The following BAHCC1 variants were observed in gnomAD, a reference collection of about 807,000 sequenced individuals.
BAHCC1 encodes BAH domain and coiled-coil containing 1, also known as BAH and coiled-coil domain-containing protein 1.
Under a neutral mutation model 88.2 loss-of-function variants are expected in BAHCC1, and 43 were observed. The observed-to-expected ratio is 0.49, with a 90% CI of 0.38 to 0.63. The LOEUF is 0.63. Among genes scored for constraint, BAHCC1 ranks in the 20% least tolerant of loss-of-function variants. The pLI is 0.00. For missense variants in BAHCC1, 3,023 were observed against 1,654.8 expected, an observed-to-expected ratio of 1.83 and a Z score of -14.34; for synonymous variants, 1,510 against 745.5, an observed-to-expected ratio of 2.03 and a Z score of -16.71.
At position 81,459,528 on chromosome 17, in the gene BAHCC1, C is replaced by T; in HGVS notation, c.5829C>T (p.Tyr1943=). The T allele has an allele frequency of 1.3e-6, 1 of 779,640 alleles. No homozygotes were observed. The highest frequency in any genetic ancestry group is 2.4e-6 in the Non-Finnish European group (1 of 417,878). The allele number at this position is 779,640 out of a possible 1,614,324, so 48.3% of individuals were successfully genotyped here. ...ATGTGCGGCCACAGTCCAGCCGGTACCTCCCGCCCGGCACGCGGGTCTGCG... is the reference window on the plus strand; with the variant it reads ...ATGTGCGGCCACAGTCCAGCCGGTATCTCCCGCCCGGCACGCGGGTCTGCG... ...VLDVRPQSSR[Y]LPPGTRVCAY... The change falls in exon 23 of 28, where the codon TAC becomes TAT. Residue 1943 remains tyrosine (Y), a synonymous_variant. Transcript: ENST00000675386.
chr17:81,443,390 C>T lies in BAHCC1; in HGVS notation c.2041C>T (p.Pro681Ser), dbSNP rs1555653290. The T allele has an allele frequency of 2.6e-6, 2 of 773,552 alleles. No individual in the cohort carries two copies. Among genetic ancestry groups the T allele is most frequent in the Admixed American group, 1.7e-5 (1 of 58,230 alleles). 47.9% of individuals were successfully genotyped at this position (773,552 alleles called of 1,614,324 possible). A position where few individuals can be genotyped will look rare whatever the true frequency, so the allele number is the denominator to read the frequency against. Residue 681 changes from proline to serine, a missense_variant, in exon 5 of 28, where the codon CCG (proline) becomes TCG (serine). Transcript: ENST00000675386. ...TAAGGGCCCAGGCCAGTCGGAGAGG[C>T]CGGACTGTGCCCGCAGCAGGGAGCA... is the stretch of plus-strand genomic sequence containing the variant. ...SSKGPGQSER[P>S]DCARSREHDT... is the part of the protein sequence containing the mutation.
chr17:81,452,611 C>T (rs1333697727), intron 13 of BAHCC1, 112 bp from the exon 14 acceptor site: 5 of 556,444 alleles, frequency 9.0e-6, no homozygotes, highest in African/African-American at 2.0e-5. Context: ...CGAGTCTGGG[C>T]CGCATCTTTC....
At chr17:81,405,161 T>C (rs1350055985) in intron 2 of BAHCC1, among the ~76,000 whole-genome samples, 1 of 152,150 alleles carries the variant, frequency 6.6e-6, no homozygotes, top group Non-Finnish European at 1.5e-5. Flanking sequence ...TCTGCCTCCC[T>C]GGTTCAAGCC....
In BAHCC1 at chr17:81,399,497, C is replaced by T; in HGVS notation, c.-206-37C>T. ...GGGACCCCCGGGCGAGCCGAGCCCC[C>T]CAGTCACCCGTGTCTCCTCTGCTTT... On this transcript the variant is annotated intron_variant, in intron 1 of 27. Coordinates refer to ENST00000675386, the MANE Select transcript of BAHCC1 (RefSeq NM_001377448.1). The surrounding 1 kb of genome is among the most constrained non-coding windows in gnomAD (Gnocchi z 4.5). 7.3e-6 allele frequency: 2 copies of T among 273,228 alleles called. 1 individual carries two copies. Among genetic ancestry groups the T allele is most frequent in the Non-Finnish European group, 1.5e-5 (2 of 129,972 alleles). 16.9% of individuals were successfully genotyped at this position (273,228 alleles called of 1,614,324 possible). A position where few individuals can be genotyped will look rare whatever the true frequency, so the allele number is the denominator to read the frequency against.
Position 81,445,535 on chromosome 17 carries a change from C to G in BAHCC1, c.3017C>G (p.Pro1006Arg), listed in dbSNP as rs781795715. Residue 1006 changes from proline to arginine, a missense_variant, in exon 10 of 28, where the codon CCC (proline) becomes CGC (arginine). By Grantham distance (103) the Pro-to-Arg change is moderately radical (BLOSUM62 -2). Coordinates refer to ENST00000675386, the MANE Select transcript of BAHCC1 (RefSeq NM_001377448.1). ...PPDPKPPASS[P>R]TPPPRPSAPC... is the part of the protein sequence containing the mutation. ...GACCCAAAGCCCCCCGCCAGCTCCC[C>G]CACCCCACCACCTCGGCCCAGCGCC... is the stretch of plus-strand genomic sequence containing the variant. 2.9e-5 allele frequency: 21 copies of G among 726,798 alleles called. No individual in the cohort carries two copies. The highest frequency in any genetic ancestry group is 4.6e-5 in the Non-Finnish European group (18 of 392,178). 45.0% of individuals were successfully genotyped at this position (726,798 alleles called of 1,614,324 possible). A position where few individuals can be genotyped will look rare whatever the true frequency, so the allele number is the denominator to read the frequency against.
chr17:81,410,509 C>T (rs782619351), intron 2 of BAHCC1, among the ~76,000 whole-genome samples: 4 of 152,232 alleles, frequency 2.6e-5, no homozygotes, highest in South Asian at 2.1e-4. Context: ...TGAAGGTGGA[C>T]GCCCACCCTC....
intron 11 of BAHCC1, among the ~76,000 whole-genome samples, chr17:81,448,880 C>CT (rs140063038): frequency 2.0e-5 from 3 of 152,106 alleles, no homozygotes; most frequent in Non-Finnish European, 4.4e-5. Flanking sequence ...CTGGACCCCC[C>CT]AGAGGCCCTC....
Position 81,442,816 on chromosome 17 carries a change from C to T in BAHCC1, c.1467C>T (p.Asp489=). 5.1e-6 allele frequency: 4 copies of T among 779,578 alleles called. No homozygotes were observed. Among genetic ancestry groups the T allele is most frequent in the Non-Finnish European group, 9.6e-6 (4 of 417,926 alleles). 48.3% of individuals were successfully genotyped at this position (779,578 alleles called of 1,614,324 possible). The part of the protein sequence containing the change: ...SFPGLPKSGL[D]KSGYFELPTS... ...CCGGACTCCCTAAAAGCGGTCTGGACAAAAGCGGCTACTTCGAGTTGCCCA... is the reference window on the plus strand; with the variant it reads ...CCGGACTCCCTAAAAGCGGTCTGGATAAAAGCGGCTACTTCGAGTTGCCCA... The change falls in exon 5 of 28, where the codon GAC becomes GAT. Residue 489 remains aspartate (D), a synonymous_variant. Transcript: ENST00000675386.
intron 2 of BAHCC1, among the ~76,000 whole-genome samples, chr17:81,425,201 GATGATGGTGGGTGATGTGGTTGGT>G (rs2064166197): frequency 3.4e-5 from 1 of 29,014 alleles, no homozygotes; most frequent in Admixed American, 3.9e-4. Context: ...TGTGGTTGGT[GATGATGGTGGGTGATGTGGTTGGT>G]GGTGATGTGG....
At chr17:81,459,439 C>G in intron 22 of BAHCC1, 57 bp from the exon 23 acceptor site, 1 of 769,944 alleles carries the variant, frequency 1.3e-6, no homozygotes. Context: ...ACCAGACTCT[C>G]AGGCAGCCCT....
At position 81,458,216 on chromosome 17, in the gene BAHCC1, C is replaced by T. The variant is rs782680282; in HGVS notation, c.5093C>T (p.Ser1698Leu). ...AGTGAGGTCAAGATCAAGAGGCGGT[C>T]GGTGAAGGCCAAGGTGGGCACCACC... ...PESEVKIKRR[S>L]VKAKVGTTLE... Residue 1698 changes from serine (S) to leucine (L), a missense_variant, in exon 18 of 28, where the codon TCG becomes TTG. Coordinates refer to ENST00000675386, the MANE Select transcript of BAHCC1 (RefSeq NM_001377448.1). 2.5e-5 allele frequency: 18 copies of T among 731,294 alleles called. No homozygotes were observed. The highest frequency in any genetic ancestry group is 4.5e-4 in the Middle Eastern group (2 of 4,400). 45.3% of individuals were successfully genotyped at this position (731,294 alleles called of 1,614,324 possible). A position where few individuals can be genotyped will look rare whatever the true frequency, so the allele number is the denominator to read the frequency against.
chr17:81,419,654 G>A lies in BAHCC1; in HGVS notation c.179-7146G>A, dbSNP rs376068987. 2.0e-4 allele frequency among the ~76,000 whole-genome samples: 30 copies of A among 151,954 alleles called. No individual in the cohort carries two copies. In the East Asian group the frequency reaches 2.5e-3, roughly 13 times the overall value. On this transcript the variant is annotated intron_variant, in intron 2 of 27. Transcript: ENST00000675386. ...GGGGGTGGGAGCTGACGCAGGCGGC[G>A]GGTGCAGCCGCCAGACTCGGAGCCG...
intron 17 of BAHCC1, 82 bp from the exon 18 acceptor site, chr17:81,458,083 G>A (rs2029891918): frequency 8.7e-6 from 6 of 690,250 alleles, no homozygotes; most frequent in Admixed American, 2.1e-5. Flanking sequence ...AGGTAACCAG[G>A]AGGGAGGACC....
intron 15 of BAHCC1, among the ~76,000 whole-genome samples, chr17:81,455,804 C>T (rs118050939): frequency 1.3e-5 from 2 of 152,112 alleles, no homozygotes; most frequent in Non-Finnish European, 2.9e-5. Context: ...GCTGCTGGCA[C>T]CCTGTTTCTT....
intron 3 of BAHCC1, among the ~76,000 whole-genome samples, chr17:81,427,322 G>A (rs976545133): frequency 2.6e-5 from 4 of 152,144 alleles, no homozygotes; most frequent in African/African-American, 7.2e-5. Context: ...CACAGTGGCC[G>A]TGCCCCACCT....
chr17:81,431,709 G>A (rs2064263261), intron 3 of BAHCC1, among the ~76,000 whole-genome samples: 4 of 152,234 alleles, frequency 2.6e-5, no homozygotes, highest in Non-Finnish European at 4.4e-5. Flanking sequence ...GCACAGCACA[G>A]TGGTGCTTGC....
chr17:81,401,187 A>G (rs2143176336), intron 2 of BAHCC1: 1 of 152,442 alleles, frequency 6.6e-6, no homozygotes, highest in African/African-American at 2.4e-5. Flanking sequence ...AAAAACGTAC[A>G]TTTTCTAGAA....
At chr17:81,429,479 C>T (rs1010883430) in intron 3 of BAHCC1, among the ~76,000 whole-genome samples, 7 of 152,222 alleles carry the variant, frequency 4.6e-5, no homozygotes, top group Non-Finnish European at 8.8e-5. Context: ...CCAGGGCCGG[C>T]GGGCCAGGGT....
At chr17:81,418,441 G>A (rs534331849) in intron 2 of BAHCC1, among the ~76,000 whole-genome samples, 8 of 152,332 alleles carry the variant, frequency 5.3e-5, no homozygotes, top group African/African-American at 1.4e-4. Context: ...CAGCTGTGCC[G>A]GGTCAGGGTC....
Sources: gnomAD v4.1 joint callset for allele counts (sites outside exome capture counted in the v4.1 genomes callset) on GRCh38, gnomAD v4.1.1 for gene constraint, Gnocchi (gnomAD v3.1) non-coding constraint, MANE v1.5 for transcripts, NCBI Gene and HGNC (gene_info 2026-07-23, HGNC 2026-07-21) for gene names.